The following LPP variants were observed in gnomAD, a reference collection of about 807,000 sequenced individuals.
LPP encodes the protein lipoma-preferred partner.
Under a neutral mutation model 60.4 loss-of-function variants are expected in LPP, and 38 were observed. That is an observed-to-expected ratio of 0.63 (90% CI 0.49 to 0.83). LPP has a LOEUF of 0.83. Ranked by LOEUF, LPP falls within the 40% of genes least tolerant of loss-of-function variation. LPP has a pLI of 0.00. For synonymous variants in LPP, 328 were observed against 290.8 expected, an observed-to-expected ratio of 1.13 and a Z score of -1.30; for missense variants, 902 against 783.6, an observed-to-expected ratio of 1.15 and a Z score of -1.80.
rs1342207321 is a variant in LPP at position 188,495,082 on chromosome 3, A to ATATATT, written c.306+10379_306+10380insATATTT. Reference sequence around the variant, plus strand: ...CAGGATTTTATATATATATATATATATTTTATTTATATTTTATTATATATT... The same window carrying ATATATT: ...CAGGATTTTATATATATATATATATATATATTTTTTATTTATATTTTATTATATATT... On this transcript the variant is annotated intron_variant, in intron 5 of 11. Transcript: ENST00000617246. 7.6e-4 allele frequency among the ~76,000 whole-genome samples: 74 copies of ATATATT among 97,248 alleles called. 3 individuals are homozygous for ATATATT. Among genetic ancestry groups the ATATATT allele is most frequent in the African/African-American group, 2.8e-3 (70 of 25,084 alleles). 63.8% of individuals were successfully genotyped at this position (97,248 alleles called of 152,430 possible).
rs62289750 is a variant in LPP, at chr3:188,182,148, C to T, written c.-190+27896C>T. Among the ~76,000 whole-genome samples the T allele has an allele frequency of 6.6e-6, 1 of 152,180 alleles. No homozygotes were observed. Among genetic ancestry groups the T allele is most frequent in the East Asian group, 1.9e-4 (1 of 5,196 alleles). On this transcript the variant is annotated intron_variant, in intron 1 of 11. Coordinates refer to ENST00000617246, the MANE Select transcript of LPP (RefSeq NM_001375462.1). The surrounding 1 kb of genome is among the most constrained non-coding windows in gnomAD (Gnocchi z 4.4). ...TCCTGAGTGGTGCTTAATAGATGCT[C>T]AGCAAATCTGTGTGGAACGATTGCC... is the stretch of plus-strand genomic sequence containing the variant.
chr3:188,293,068 T>A (rs573327152), intron 2 of LPP, among the ~76,000 whole-genome samples: 2 of 152,348 alleles, frequency 1.3e-5, no homozygotes, highest in South Asian at 4.1e-4. Context: ...TTCTCTGAGT[T>A]TCTCTCATAC....
At chr3:188,453,884 G>C (rs1174361613) in intron 4 of LPP, among the ~76,000 whole-genome samples, 4 of 152,082 alleles carry the variant, frequency 2.6e-5, no homozygotes, top group Non-Finnish European at 4.4e-5. Flanking sequence ...ATGTAGAACT[G>C]TGGAGATTCT....
intron 4 of LPP, chr3:188,472,871 T>G (rs1268644609): frequency 1.3e-5 from 2 of 152,190 alleles, no homozygotes; most frequent in African/African-American, 4.8e-5. Context: ...GTCTTCTGAA[T>G]TTGTAGGGGT....
At chr3:188,696,222 A>T (rs985873936) in intron 7 of LPP, among the ~76,000 whole-genome samples, 1 of 148,826 alleles carries the variant, frequency 6.7e-6, no homozygotes, top group Non-Finnish European at 1.5e-5. Context: ...AGCACACAGT[A>T]CTCTCTCTCT....
At chr3:188,493,887 G>A (rs1294755940) in intron 5 of LPP, among the ~76,000 whole-genome samples, 1 of 152,016 alleles carries the variant, frequency 6.6e-6, no homozygotes, top group African/African-American at 2.4e-5. Flanking sequence ...ACTACATGGA[G>A]GGATTTCTGT....
chr3:188,474,807 A>G (rs1802762761), intron 4 of LPP, among the ~76,000 whole-genome samples: 1 of 152,242 alleles, frequency 6.6e-6, no homozygotes, highest in Non-Finnish European at 1.5e-5. Flanking sequence ...ACTAGCTGAT[A>G]GAAGACTGAT....
chr3:188,630,981 T>C (rs1847757732), intron 7 of LPP, among the ~76,000 whole-genome samples: 1 of 152,026 alleles, frequency 6.6e-6, no homozygotes, highest in Admixed American at 6.6e-5. Flanking sequence ...TGAATACACA[T>C]GGTCACCAAG....
At chr3:188,304,031 C>T (rs1023626321) in intron 2 of LPP, among the ~76,000 whole-genome samples, 2 of 152,130 alleles carry the variant, frequency 1.3e-5, no homozygotes, top group African/African-American at 4.8e-5. Flanking sequence ...TGCCTGTCTT[C>T]ATACGTCCCC....
intron 6 of LPP, among the ~76,000 whole-genome samples, chr3:188,577,774 TTCC>T (rs1175547931): frequency 7.3e-6 from 1 of 136,694 alleles, no homozygotes; most frequent in Non-Finnish European, 1.6e-5. Context: ...CCTTCCTTCC[TTCC>T]TTCTGTCCTT....
At chr3:188,225,610 C>G (rs939329530) in intron 2 of LPP, 83 bp downstream of exon 2, 1 of 152,180 alleles carries the variant, frequency 6.6e-6, no homozygotes, top group Non-Finnish European at 1.5e-5. Context: ...TCAGTGTTTT[C>G]CACTTAAAGT....
intron 9 of LPP, among the ~76,000 whole-genome samples, chr3:188,814,705 G>A (rs566203298): frequency 6.1e-4 from 93 of 152,252 alleles, no homozygotes; most frequent in Admixed American, 1.1e-3. Flanking sequence ...TCTTGCTCTT[G>A]CATACACACA....
chr3:188,195,381 T>C (rs967865477), intron 1 of LPP, among the ~76,000 whole-genome samples: 3 of 152,184 alleles, frequency 2.0e-5, no homozygotes, highest in African/African-American at 7.2e-5. Context: ...GATCTACTCA[T>C]AATATAACCC....
chr3:188,245,115 G>A (rs141823318), intron 2 of LPP, among the ~76,000 whole-genome samples: 106 of 151,874 alleles, frequency 7.0e-4, no homozygotes, highest in African/African-American at 2.3e-3. Context: ...CCCTGCCCCC[G>A]CCTTTTTTTT....
intron 8 of LPP, among the ~76,000 whole-genome samples, chr3:188,759,814 G>T (rs1185770861): frequency 6.6e-6 from 1 of 152,142 alleles, no homozygotes; most frequent in Non-Finnish European, 1.5e-5. Flanking sequence ...GAGAGTCAGA[G>T]CACTGACCTC....
intron 2 of LPP, among the ~76,000 whole-genome samples, chr3:188,240,709 T>G (rs2149456382): frequency 6.6e-6 from 1 of 152,280 alleles, no homozygotes; most frequent in Admixed American, 6.5e-5. Context: ...CACATCAACC[T>G]TCTTTGGGAT....
chr3:188,446,375 C>G (rs1795233451), intron 4 of LPP, among the ~76,000 whole-genome samples: 1 of 152,144 alleles, frequency 6.6e-6, no homozygotes, highest in African/African-American at 2.4e-5. Flanking sequence ...CCCTCAAGGT[C>G]AAAACATCAT....
chr3:188,722,891 A>G (rs1717007260), intron 8 of LPP, among the ~76,000 whole-genome samples: 1 of 152,186 alleles, frequency 6.6e-6, no homozygotes, highest in South Asian at 2.1e-4. Context: ...GTCATTTATG[A>G]TTAGTGTGTA....
At chr3:188,312,540 G>A (rs1753786918) in intron 2 of LPP, among the ~76,000 whole-genome samples, 2 of 152,054 alleles carry the variant, frequency 1.3e-5, no homozygotes. Context: ...CCCACTTTGT[G>A]ATATTTAAAA....
Sources: gnomAD v4.1 joint callset for allele counts (sites outside exome capture counted in the v4.1 genomes callset) on GRCh38, gnomAD v4.1.1 for gene constraint, Gnocchi (gnomAD v3.1) non-coding constraint, MANE v1.5 for transcripts, NCBI Gene and HGNC (gene_info 2026-07-23, HGNC 2026-07-21) for gene names.